The following CSMD1 variants were observed in gnomAD, a reference collection of about 807,000 sequenced individuals.
CSMD1 encodes CUB and Sushi multiple domains 1.
Under a neutral mutation model 417.5 loss-of-function variants are expected in CSMD1, and 213 were observed. The observed-to-expected ratio is 0.51, with a 90% CI of 0.46 to 0.57. The LOEUF (loss-of-function observed/expected upper bound fraction) is 0.57. CSMD1 is among the 20% of genes least tolerant of loss of function. The pLI is 0.00. For missense variants in CSMD1, 6,923 were observed against 4,529.7 expected (o/e 1.53, Z -15.17); for synonymous variants, 2,862 against 1,736.8 (o/e 1.65, Z -16.11).
At chr8:4,003,318 G>C (rs1293551608) in intron 4 of CSMD1, among the ~76,000 whole-genome samples, 1 of 152,018 alleles carries the variant, frequency 6.6e-6, no homozygotes, top group Non-Finnish European at 1.5e-5. Flanking sequence ...GTGTGAACCT[G>C]GGAGGTGGAG....
chr8:4,057,426 G>C (rs140903338), intron 3 of CSMD1, among the ~76,000 whole-genome samples: 101,130 of 152,014 alleles, frequency 0.67, 34,855 homozygotes, highest in Non-Finnish European at 0.76. Context: ...GTAGATTCTG[G>C]ATGTTAGCCC....
chr8:4,593,990 C>G (rs1312722455), intron 2 of CSMD1, among the ~76,000 whole-genome samples: 2 of 151,962 alleles, frequency 1.3e-5, no homozygotes, highest in African/African-American at 4.8e-5. Flanking sequence ...CCCTTCTTGT[C>G]TCTCCACACC....
chr8:3,189,868 C>T (rs1042926373), intron 34 of CSMD1, 44 bp downstream of exon 34: 10 of 1,489,746 alleles, frequency 6.7e-6, no homozygotes, highest in Non-Finnish European at 9.1e-6. Context: ...TCTTTGGCAC[C>T]ACCACAGAGT....
At chr8:3,114,136 T>C (rs1816708064) in intron 42 of CSMD1, among the ~76,000 whole-genome samples, 1 of 152,128 alleles carries the variant, frequency 6.6e-6, no homozygotes, top group Non-Finnish European at 1.5e-5. Flanking sequence ...CCTAGCCACT[T>C]GGGAGGCTGA....
At position 4,059,535 on chromosome 8, in the gene CSMD1, T is replaced by A. The variant is rs1271620970; in HGVS notation, c.416-27436A>T. On this transcript the variant is annotated intron_variant, in intron 3 of 69. Transcript: ENST00000635120. ...TTTTTGAAAGGATCAACAAAATTGA[T>A]AGACTGCTAGCAAGACTAATAAAGA... Among the ~76,000 whole-genome samples the A allele has an allele frequency of 2.0e-5, 3 of 152,102 alleles. No individual in the cohort carries two copies. In the South Asian group the frequency reaches 6.2e-4, roughly 32 times the overall value.
intron 1 of CSMD1, among the ~76,000 whole-genome samples, chr8:4,951,421 AAAAAAG>A (rs886226824): frequency 1.6e-4 from 24 of 151,924 alleles, no homozygotes; most frequent in African/African-American, 5.8e-4. Context: ...TTCTATTAAA[AAAAAAG>A]AAAAAGAAAG....
chr8:4,702,961 A>G (rs1488279747), intron 1 of CSMD1, among the ~76,000 whole-genome samples: 2 of 152,180 alleles, frequency 1.3e-5, no homozygotes, highest in Admixed American at 6.5e-5. Context: ...CTCAAAATAT[A>G]CTTTTAAAAG....
chr8:3,558,542 T>C (rs979698617), intron 10 of CSMD1, among the ~76,000 whole-genome samples: 1 of 148,104 alleles, frequency 6.8e-6, no homozygotes, highest in Non-Finnish European at 1.5e-5. Context: ...CGATGAACGG[T>C]GTCTCAATGG....
intron 1 of CSMD1, among the ~76,000 whole-genome samples, chr8:4,861,019 G>A (rs187135656): frequency 3.9e-4 from 59 of 152,122 alleles, no homozygotes; most frequent in African/African-American, 1.4e-3. Context: ...ACATATTCTA[G>A]GTGCTTATTT....
At chr8:4,074,714 C>T (rs1196679038) in intron 3 of CSMD1, among the ~76,000 whole-genome samples, 2 of 151,984 alleles carry the variant, frequency 1.3e-5, no homozygotes, top group African/African-American at 2.4e-5. Context: ...AGATTCCAGA[C>T]CATTTAATTT....
chr8:3,530,614 T>C (rs1396475314), intron 10 of CSMD1, among the ~76,000 whole-genome samples: 1 of 152,202 alleles, frequency 6.6e-6, no homozygotes, highest in Non-Finnish European at 1.5e-5. Context: ...CTCTGCCTTC[T>C]GGGTTCAAGT....
At chr8:4,966,404 G>A (rs188914520) in intron 1 of CSMD1, among the ~76,000 whole-genome samples, 280 of 151,896 alleles carry the variant, frequency 1.8e-3, no homozygotes, top group South Asian at 4.0e-3. Flanking sequence ...AACAAAAAAA[G>A]AGTTCCAAAC....
At chr8:4,123,955 G>A (rs911377167) in intron 3 of CSMD1, among the ~76,000 whole-genome samples, 1 of 151,954 alleles carries the variant, frequency 6.6e-6, no homozygotes, top group Non-Finnish European at 1.5e-5. Context: ...ACTCAAAAAA[G>A]CTGGAAAAAA....
intron 12 of CSMD1, among the ~76,000 whole-genome samples, chr8:3,453,999 T>A (rs7010133): frequency 6.6e-6 from 1 of 152,094 alleles, no homozygotes; most frequent in African/African-American, 2.4e-5. Flanking sequence ...GGTGCTCCTG[T>A]ATTGGGTGCA....
intron 7 of CSMD1, among the ~76,000 whole-genome samples, chr8:3,663,204 C>G (rs1798507804): frequency 6.6e-6 from 1 of 152,020 alleles, no homozygotes; most frequent in African/African-American, 2.4e-5. Flanking sequence ...AAAGCGTGAA[C>G]AACAAAGATA....
intron 3 of CSMD1, among the ~76,000 whole-genome samples, chr8:4,135,731 T>G (rs1054502789): frequency 1.4e-4 from 21 of 152,160 alleles, no homozygotes; most frequent in African/African-American, 4.8e-4. Context: ...AGTCACCAAT[T>G]TATCATTTAA....
chr8:3,252,856 G>C (rs1266127730), intron 26 of CSMD1, among the ~76,000 whole-genome samples: 1 of 152,156 alleles, frequency 6.6e-6, no homozygotes, highest in African/African-American at 2.4e-5. Context: ...GCATAGAGGT[G>C]TTTATAGTAT....
At chr8:4,266,070 C>G (rs1804210366) in intron 3 of CSMD1, among the ~76,000 whole-genome samples, 1 of 103,764 alleles carries the variant, frequency 9.6e-6, no homozygotes, top group South Asian at 3.8e-4. Context: ...ATCACCTGCC[C>G]ACCGCACATA....
chr8:4,632,042 G>C (rs1004933740), intron 2 of CSMD1, among the ~76,000 whole-genome samples: 1 of 152,138 alleles, frequency 6.6e-6, no homozygotes, highest in African/African-American at 2.4e-5. Context: ...AATTGTTTCT[G>C]ATTTGGGACA....
Sources: allele counts gnomAD v4.1 joint callset (sites outside exome capture counted in the v4.1 genomes callset), GRCh38; gene constraint gnomAD v4.1.1; transcripts MANE v1.5; gene names NCBI Gene and HGNC (gene_info 2026-07-23, HGNC 2026-07-21).